PRTG: variants seen among roughly 807,000 people sequenced by gnomAD.
PRTG encodes the protein protogenin.
PRTG carries 67 observed loss-of-function variants against 122.5 expected under a neutral mutation model. The ratio of observed to expected loss-of-function variants is 0.55; its 90% CI spans 0.45 to 0.67. The LOEUF is 0.67. Ranked by LOEUF, PRTG falls within the 30% of genes least tolerant of loss-of-function variation. The pLI is 0.00. For missense variants in PRTG, 1,435 were observed against 1,415.4 expected (o/e 1.01, Z -0.22); for synonymous variants, 554 against 501.1 (o/e 1.11, Z -1.41).
intron 2 of PRTG, among the ~76,000 whole-genome samples, chr15:55,697,447 A>G (rs1333026674): frequency 1.3e-5 from 2 of 152,140 alleles, no homozygotes; most frequent in African/African-American, 4.8e-5. Flanking sequence ...TCTCCCTCAG[A>G]AGAGTAACAG....
At chr15:55,703,226 T>TA (rs554434472) in intron 2 of PRTG, among the ~76,000 whole-genome samples, 9 of 152,244 alleles carry the variant, frequency 5.9e-5, no homozygotes, top group African/African-American at 1.2e-4. Flanking sequence ...AGCATACTCT[T>TA]TTGTACATGC....
At chr15:55,740,713 A>G (rs1333071645) in intron 1 of PRTG, 29 bp from the exon 2 acceptor site, 2 of 1,571,954 alleles carry the variant, frequency 1.3e-6, no homozygotes, top group Non-Finnish European at 1.7e-6. Context: ...AGAACGGCAC[A>G]TCCAGAATTA....
chr15:55,729,364 G>A (rs920656088), intron 2 of PRTG, among the ~76,000 whole-genome samples: 13 of 152,110 alleles, frequency 8.5e-5, no homozygotes, highest in Non-Finnish European at 8.8e-5. Flanking sequence ...GAGGAAGGGG[G>A]AAATGGGGAG....
intron 11 of PRTG, among the ~76,000 whole-genome samples, chr15:55,650,859 TGGTATGCTTA>T (rs1211301348): frequency 6.6e-6 from 1 of 151,932 alleles, no homozygotes; most frequent in Admixed American, 6.6e-5. Context: ...CCCAGCTACT[TGGTATGCTTA>T]GGTAGGAGGA....
In PRTG at chr15:55,615,449, T is replaced by G. The variant is rs185077423; in HGVS notation, c.*4563A>C. ...AGATTAAAGCCTGAAACATACACAT[T>G]GCATTAGCCTGTGATCTTATGTCCT... On this transcript the variant is annotated 3_prime_UTR_variant, in exon 20 of 20. Coordinates refer to ENST00000389286, the MANE Select transcript of PRTG (RefSeq NM_173814.6). 2 of 152,206 alleles carry G rather than the reference T, an allele frequency of 1.3e-5. No individual in the cohort carries two copies. The highest frequency in any genetic ancestry group is 4.8e-5 in the African/African-American group (2 of 41,540). The allele number at this position is 152,206 out of a possible 1,614,324, so 9.4% of individuals were successfully genotyped here.
intron 2 of PRTG, among the ~76,000 whole-genome samples, chr15:55,692,475 G>A (rs1337762803): frequency 2.0e-5 from 3 of 152,118 alleles, no homozygotes; most frequent in Admixed American, 6.5e-5. Flanking sequence ...AAGGTTGGGG[G>A]ATACAATGTT....
intron 2 of PRTG, chr15:55,703,001 C>T: frequency 1.2e-6 from 1 of 821,964 alleles, no homozygotes; most frequent in Non-Finnish European, 1.5e-6. Flanking sequence ...CAACATAGCA[C>T]AGAATCCACT....
Position 55,620,041 on chromosome 15 carries a change from C to A in PRTG, c.3424G>T (p.Val1142Phe), listed in dbSNP as rs768233320. The change falls in exon 20 of 20, where the codon GTT (valine) becomes TTT (phenylalanine). Residue 1142 changes from valine (V) to phenylalanine (F), a missense_variant. Coordinates refer to ENST00000389286, the MANE Select transcript of PRTG (RefSeq NM_173814.6). The part of the protein sequence containing the change: ...ESNDEIHLSS[V>F]ISTTPPNL ...AGGTTGGGGGGTGTGGTACTTATAA[C>A]TGAGGACAGATGTATCTCATCGTTG... The A allele has an allele frequency of 2.5e-6, 4 of 1,614,180 alleles. No individual in the cohort carries two copies. In the Admixed American group the frequency reaches 6.7e-5, roughly 27 times the overall value.
chr15:55,709,220 T>TAGTTA (rs10628094), intron 2 of PRTG, among the ~76,000 whole-genome samples: 83,871 of 143,054 alleles, frequency 0.59, 25,760 homozygotes, highest in Non-Finnish European at 0.69. Flanking sequence ...TTAGATAGTT[T>TAGTTA]AATTTCTTTA....
At chr15:55,643,864 A>AT (rs111433445) in intron 11 of PRTG, among the ~76,000 whole-genome samples, 1,596 of 147,772 alleles carry the variant, frequency 0.011, 31 homozygotes, top group African/African-American at 0.037. Flanking sequence ...AATAATAATG[A>AT]TTTTTTTTTT....
Position 55,741,623 on chromosome 15 carries a change from GTGAA to G in PRTG, c.95-943_95-940del, listed in dbSNP as rs552931426. Among the ~76,000 whole-genome samples the G allele has an allele frequency of 2.1e-3, 322 of 152,268 alleles. 2 individuals are homozygous for G. Among genetic ancestry groups the G allele is most frequent in the African/African-American group, 7.3e-3 (304 of 41,532 alleles). On this transcript the variant is annotated intron_variant, in intron 1 of 19. Transcript: ENST00000389286. ...TTAAAGTCTCACGTATTGATTGGGGGTGAATGGAGAATGGGGGTGTGTGGGGGAA... is the reference window on the plus strand; with the variant it reads ...TTAAAGTCTCACGTATTGATTGGGGGTGGAGAATGGGGGTGTGTGGGGGAA...
intron 2 of PRTG, among the ~76,000 whole-genome samples, chr15:55,733,303 G>C (rs549622995): frequency 1.3e-4 from 19 of 151,970 alleles, no homozygotes; most frequent in Non-Finnish European, 2.5e-4. Context: ...CTGAGGTTGG[G>C]AGTTCGAGAC....
chr15:55,714,389 C>A (rs12439011), intron 2 of PRTG, among the ~76,000 whole-genome samples: 2 of 151,150 alleles, frequency 1.3e-5, no homozygotes, highest in Admixed American at 6.6e-5. Flanking sequence ...CCCACCCCCC[C>A]GCTAGTTTTA....
intron 9 of PRTG, among the ~76,000 whole-genome samples, 187 bp downstream of exon 9, chr15:55,675,332 T>C (rs2059496314): frequency 6.6e-6 from 1 of 152,166 alleles, no homozygotes; most frequent in South Asian, 2.1e-4. Context: ...TTAAATTTTA[T>C]ATTCTGAAAG....
intron 2 of PRTG, among the ~76,000 whole-genome samples, chr15:55,710,275 TTTC>T (rs1231254173): frequency 2.0e-5 from 3 of 152,214 alleles, no homozygotes; most frequent in African/African-American, 7.2e-5. Context: ...TTTTCATCAG[TTTC>T]TTCATCCTCA....
At chr15:55,740,248 A>T (rs2031564755) in intron 2 of PRTG, 134 bp downstream of exon 2, 1 of 757,930 alleles carries the variant, frequency 1.3e-6, no homozygotes, top group African/African-American at 1.8e-5. Context: ...TATATGCCTC[A>T]GTTAGCATCA....
intron 2 of PRTG, among the ~76,000 whole-genome samples, chr15:55,687,671 TGAAAACTCTGGTTTTCA>T (rs959165190): frequency 1.3e-5 from 2 of 152,238 alleles, no homozygotes; most frequent in Non-Finnish European, 2.9e-5. Context: ...GGTTTACCCT[TGAAAACTCTGGTTTTCA>T]GAAAGGTTTG....
At chr15:55,637,675 A>G (rs1300076059) in intron 14 of PRTG, among the ~76,000 whole-genome samples, 1 of 152,108 alleles carries the variant, frequency 6.6e-6, no homozygotes, top group Non-Finnish European at 1.5e-5. Flanking sequence ...GTTTCACCCC[A>G]TTAGTACTGA....
chr15:55,719,785 G>T (rs115407792), intron 2 of PRTG, among the ~76,000 whole-genome samples: 327 of 152,234 alleles, frequency 2.1e-3, no homozygotes, highest in Non-Finnish European at 3.6e-3. Flanking sequence ...TTGGCCCGGC[G>T]CACTGACTCA....
Sources: allele counts gnomAD v4.1 joint callset (sites outside exome capture counted in the v4.1 genomes callset), GRCh38; gene constraint gnomAD v4.1.1; transcripts MANE v1.5; gene names NCBI Gene and HGNC (gene_info 2026-07-23, HGNC 2026-07-21).